Variants in BLM observed in about 807,000 individuals in gnomAD.
BLM encodes recQ-like DNA helicase BLM.
BLM carries 95 observed loss-of-function variants against 135.3 expected under a neutral mutation model. That is an observed-to-expected ratio of 0.70 (90% CI 0.59 to 0.83). The LOEUF (loss-of-function observed/expected upper bound fraction) is 0.83, where lower values mean the gene tolerates loss of function less well. Among genes scored for constraint, BLM ranks in the 40% least tolerant of loss-of-function variants. The pLI is 0.00. For missense variants in BLM, 1,518 were observed against 1,663.9 expected, an observed-to-expected ratio of 0.91 and a Z score of 1.53; for synonymous variants, 520 against 589.2, an observed-to-expected ratio of 0.88 and a Z score of 1.70.
chr15:90,777,746 T>G (rs1296753110), intron 12 of BLM, among the ~76,000 whole-genome samples: 1 of 152,234 alleles, frequency 6.6e-6, no homozygotes, highest in Non-Finnish European at 1.5e-5. Context: ...GCTTTTTTTC[T>G]GTATTTTCAC....
intron 9 of BLM, 99 bp from the exon 10 acceptor site, chr15:90,766,811 T>C: frequency 6.6e-6 from 5 of 763,108 alleles, no homozygotes; most frequent in Non-Finnish European, 4.5e-6. Flanking sequence ...TTGATAGGTT[T>C]GATATGTGAC....
intron 13 of BLM, among the ~76,000 whole-genome samples, chr15:90,783,971 T>C (rs1210813751): frequency 2.0e-5 from 3 of 152,188 alleles, no homozygotes; most frequent in African/African-American, 4.8e-5. Context: ...ATCACTGTTA[T>C]GTTATTATTA....
rs886051552 is a variant in BLM at position 90,811,260 on chromosome 15, T to G, written c.3930T>G (p.Ser1310Arg). Reference sequence around the variant, plus strand: ...CCAGCAGCAGAGGCCCCGGAAGAAGTGCCGCTGAGGAGCTCGACGAGGAAA... The same window carrying G: ...CCAGCAGCAGAGGCCCCGGAAGAAGGGCCGCTGAGGAGCTCGACGAGGAAA... The part of the protein sequence containing the change: ...SLSSSRGPGR[S>R]AAEELDEEIP... Residue 1310 changes from serine to arginine, a missense_variant, in exon 21 of 22, where the codon AGT becomes AGG. Transcript: ENST00000355112. 6.2e-7 allele frequency: 1 copy of G among 1,614,090 alleles called. No homozygotes were observed. The highest frequency in any genetic ancestry group is 8.5e-7 in the Non-Finnish European group (1 of 1,180,034).
chr15:90,791,028 T>A lies in BLM; in HGVS notation c.3019+184T>A, dbSNP rs2072351. 0.33 allele frequency among the ~76,000 whole-genome samples: 50,890 copies of A among 152,058 alleles called. 9,639 individuals are homozygous for A. Among genetic ancestry groups the A allele is most frequent in the African/African-American group, 0.52 (21,729 of 41,444 alleles). Reference sequence around the variant, plus strand: ...ATTATAAAAGTGGTAAGTGCTTATTTTGTAAAACTCAAATGATACAGATGT... The same window carrying A: ...ATTATAAAAGTGGTAAGTGCTTATTATGTAAAACTCAAATGATACAGATGT... On this transcript the variant is annotated intron_variant, in intron 15 of 21. Coordinates refer to ENST00000355112, the MANE Select transcript of BLM (RefSeq NM_000057.4).
At chr15:90,805,853 G>A (rs1897275516) in intron 19 of BLM, among the ~76,000 whole-genome samples, 1 of 151,868 alleles carries the variant, frequency 6.6e-6, no homozygotes, top group Admixed American at 6.5e-5. Flanking sequence ...TTTCTAAAAC[G>A]AGACATTACT....
chr15:90,796,539 T>C (rs1942844503), intron 16 of BLM, among the ~76,000 whole-genome samples: 1 of 152,208 alleles, frequency 6.6e-6, no homozygotes, highest in Non-Finnish European at 1.5e-5. Flanking sequence ...ATGGCTGTGT[T>C]CCAATAAAAC....
At chr15:90,767,045 T>C in intron 10 of BLM, 22 bp downstream of exon 10, 1 of 1,373,398 alleles carries the variant, frequency 7.3e-7, no homozygotes, top group Non-Finnish European at 1.0e-6. Context: ...TATCATTATT[T>C]TAAAATATAT....
intron 1 of BLM, among the ~76,000 whole-genome samples, chr15:90,738,230 A>G (rs540904060): frequency 8.5e-5 from 13 of 152,298 alleles, no homozygotes; most frequent in African/African-American, 3.1e-4. Flanking sequence ...CCAATATTTA[A>G]AGAAGAATTA....
intron 1 of BLM, among the ~76,000 whole-genome samples, chr15:90,723,734 T>C (rs773943884): frequency 2.0e-5 from 3 of 152,212 alleles, no homozygotes; most frequent in Non-Finnish European, 4.4e-5. Context: ...CACAATGTTG[T>C]ATGGCAGATC....
rs200444818 is a variant in BLM, at chr15:90,809,012, G to A, written c.3752-125G>A. 66 of 1,398,128 alleles carry A rather than the reference G, an allele frequency of 4.7e-5. No individual in the cohort carries two copies. The East Asian group carries it at 8.0e-4, about 17-fold the overall frequency. 86.6% of individuals were successfully genotyped at this position (1,398,128 alleles called of 1,614,324 possible). A position where few individuals can be genotyped will look rare whatever the true frequency, so the allele number is the denominator to read the frequency against. ...ACTTTGCCTTTTACAAAATTGGCCT[G>A]TGTTCCCAGTACCCTGCAGTTAGTT... On this transcript the variant is annotated intron_variant, in intron 19 of 21. Transcript: ENST00000355112.
In BLM at chr15:90,747,189, A is replaced by G. The variant is rs1895523288; in HGVS notation, c.-4-200A>G. On this transcript the variant is annotated intron_variant, in intron 1 of 21. Transcript: ENST00000355112. ...GTGAGCCTTCAGTTAGTTGAAGATT[A>G]TATATTTCAAGTGTCACTAGTTGTA... 3.6e-5 allele frequency among the ~76,000 whole-genome samples: 5 copies of G among 139,992 alleles called. No individual in the cohort carries two copies. In the South Asian group the frequency reaches 1.2e-3, roughly 32 times the overall value. 91.8% of individuals were successfully genotyped at this position (139,992 alleles called of 152,430 possible).
At chr15:90,775,306 G>C (rs746285869) in intron 12 of BLM, among the ~76,000 whole-genome samples, 16 of 152,062 alleles carry the variant, frequency 1.1e-4, no homozygotes, top group Non-Finnish European at 1.6e-4. Flanking sequence ...TAATAAATTT[G>C]ATTTTAGATG....
intron 21 of BLM, among the ~76,000 whole-genome samples, chr15:90,812,130 A>G (rs1195900842): frequency 6.6e-6 from 1 of 152,106 alleles, no homozygotes; most frequent in Non-Finnish European, 1.5e-5. Flanking sequence ...GGCTTTTACT[A>G]TTCTGTCAGT....
chr15:90,734,045 A>G (rs974080855), intron 1 of BLM, among the ~76,000 whole-genome samples: 1 of 152,208 alleles, frequency 6.6e-6, no homozygotes, highest in Non-Finnish European at 1.5e-5. Context: ...TAAAAGTTCT[A>G]AATAAAATAC....
At chr15:90,754,435 G>C (rs755444702) in intron 4 of BLM, among the ~76,000 whole-genome samples, 2 of 152,186 alleles carry the variant, frequency 1.3e-5, no homozygotes, top group Non-Finnish European at 2.9e-5. Flanking sequence ...TAATGCTTTG[G>C]CTGGGGCTAG....
At chr15:90,769,957 T>G (rs1896259815) in intron 12 of BLM, among the ~76,000 whole-genome samples, 1 of 152,144 alleles carries the variant, frequency 6.6e-6, no homozygotes, top group East Asian at 1.9e-4. Context: ...TAATTTTGGC[T>G]TCCATATATC....
At chr15:90,724,875 G>T (rs1894868338) in intron 1 of BLM, among the ~76,000 whole-genome samples, 1 of 152,080 alleles carries the variant, frequency 6.6e-6, no homozygotes, top group South Asian at 2.1e-4. Flanking sequence ...TGGTGATTAA[G>T]TCACTCCCCA....
intron 7 of BLM, 129 bp from the exon 8 acceptor site, chr15:90,762,837 A>C (rs28385019): frequency 0.031 from 27,107 of 866,914 alleles, 502 homozygotes; most frequent in South Asian, 0.049. Flanking sequence ...AAGGAAAGCC[A>C]GTAAAGAGTT....
Position 90,809,257 on chromosome 15 carries a change from C to T in BLM, c.3872C>T (p.Pro1291Leu), listed in dbSNP as rs373003917. The change falls in exon 20 of 22, where the codon CCA becomes CTA. Residue 1291 changes from proline to leucine, a missense_variant and splice_region_variant. Around this residue, in one of 5 missense-constraint regions of BLM, gnomAD observed 153 missense variants for 173.4 expected, o/e 0.88. Coordinates refer to ENST00000355112, the MANE Select transcript of BLM (RefSeq NM_000057.4). Reference sequence around the variant, plus strand: ...CAGAAATACTCTGAATGGACATCGCCAGGTTAGTACACAGCCATGTGTGTT... The same window carrying T: ...CAGAAATACTCTGAATGGACATCGCTAGGTTAGTACACAGCCATGTGTGTT... ...VLQKYSEWTS[P>L]AEDSSPGISL... 2.0e-5 allele frequency: 32 copies of T among 1,614,044 alleles called. No individual in the cohort carries two copies. The highest frequency in any genetic ancestry group is 2.5e-5 in the Non-Finnish European group (30 of 1,180,038).
Sources: allele counts gnomAD v4.1 joint callset (sites outside exome capture counted in the v4.1 genomes callset), GRCh38; gene constraint gnomAD v4.1.1; regional missense constraint gnomAD v4.1.1; transcripts MANE v1.5; gene names NCBI Gene and HGNC (gene_info 2026-07-23, HGNC 2026-07-21).